SLFN12: variants seen among roughly 807,000 people sequenced by gnomAD.
SLFN12 encodes schlafen family member 12.
A neutral mutation model predicts 29.1 loss-of-function variants in SLFN12; 25 were observed. That is an observed-to-expected ratio of 0.86 (90% CI 0.63 to 1.20). SLFN12 has a LOEUF of 1.20. Among genes scored for constraint, SLFN12 ranks in the 50% most tolerant of loss-of-function variants. The pLI, the probability that SLFN12 is intolerant of heterozygous loss-of-function variation, is 0.00. For synonymous variants in SLFN12, 257 were observed against 238.7 expected (o/e 1.08, Z -0.71); for missense variants, 660 against 666.2 (o/e 0.99, Z 0.10).
intron 1 of SLFN12, among the ~76,000 whole-genome samples, chr17:35,429,842 G>A (rs1489878338): frequency 6.6e-6 from 1 of 151,996 alleles, no homozygotes; most frequent in Non-Finnish European, 1.5e-5. Context: ...TTAGGATCTA[G>A]CAATGCAGTT....
chr17:35,414,429 T>C (rs1281642347), intron 3 of SLFN12, among the ~76,000 whole-genome samples: 1 of 152,016 alleles, frequency 6.6e-6, no homozygotes, highest in East Asian at 1.9e-4. Flanking sequence ...TATACTGATA[T>C]CTATAAAATG....
chr17:35,423,139 A>T, intron 1 of SLFN12, 71 bp from the exon 2 acceptor site: 2 of 1,475,156 alleles, frequency 1.4e-6, no homozygotes, highest in Non-Finnish European at 1.8e-6. Flanking sequence ...TTATGAGGCA[A>T]ATGCAAAAAA....
chr17:35,413,872 A>T (rs1323585753), intron 3 of SLFN12, among the ~76,000 whole-genome samples: 5 of 152,136 alleles, frequency 3.3e-5, no homozygotes, highest in Non-Finnish European at 7.4e-5. Context: ...AATAAAATGA[A>T]GGGCAAAACT....
chr17:35,420,722 CT>C (rs1157171337), intron 2 of SLFN12: 2 of 211,386 alleles, frequency 9.5e-6, no homozygotes, highest in Non-Finnish European at 9.5e-6. Context: ...GAGGAAGAAG[CT>C]TACATTTTCA....
Position 35,422,484 on chromosome 17 carries a change from C to T in SLFN12, c.545G>A (p.Gly182Glu). 1 of 1,612,220 alleles carries T rather than the reference C, an allele frequency of 6.2e-7. No homozygotes were observed. Residue 182 changes from glycine to glutamate, a missense_variant, in exon 2 of 4, where the codon GGG becomes GAG. Coordinates refer to ENST00000304905, the MANE Select transcript of SLFN12 (RefSeq NM_018042.5). Reference protein sequence around the residue: ...QEENNMKALAGVFFDRTELDR... With the variant: ...QEENNMKALAEVFFDRTELDR... ...AAGTTCTGTTCTATCAAAAAAAACC[C>T]CGGCCAAGGCCTTCATGTTATTTTC...
Position 35,420,294 on chromosome 17 carries a change from C to T in SLFN12, c.1127G>A (p.Arg376Gln), listed in dbSNP as rs1243768355. 3.1e-6 allele frequency: 5 copies of T among 1,612,640 alleles called. No individual in the cohort carries two copies. In the Admixed American group the frequency reaches 5.0e-5, roughly 16 times the overall value. The change falls in exon 3 of 4, where the codon CGG becomes CAG. Residue 376 changes from arginine (R) to glutamine (Q), a missense_variant. By Grantham distance (43) the Arg-to-Gln change is conservative. Transcript: ENST00000304905. Reference protein sequence around the residue: ...PHSWPLLEWQRQRHHCPGLSG... With the variant: ...PHSWPLLEWQQQRHHCPGLSG... ...ATTACCTGGACAGTGATGTCTCTGC[C>T]GTTGCCATTCCAAAAGAGGCCAACT...
intron 3 of SLFN12, among the ~76,000 whole-genome samples, chr17:35,415,268 A>G (rs1368868602): frequency 6.6e-6 from 1 of 152,116 alleles, no homozygotes; most frequent in African/African-American, 2.4e-5. Flanking sequence ...TGGGGAAAGG[A>G]CACCCCATGC....
At chr17:35,421,641 C>T (rs1911658651) in intron 2 of SLFN12, among the ~76,000 whole-genome samples, 1 of 149,108 alleles carries the variant, frequency 6.7e-6, no homozygotes, top group Non-Finnish European at 1.5e-5. Context: ...CTGGCTTCAA[C>T]CGATTCTCCT....
rs779950084 is a variant in SLFN12, at chr17:35,422,171, T to C, written c.858A>G (p.Ser286=). ...FCMEKKKINY[S]CKFLGVYDKG... ...TATCATATACTCCAAGGAATTTGCA[T>C]GAATAATTTATCTTCTTCTTCTCCA... Residue 286 remains serine, a synonymous_variant, in exon 2 of 4, where the codon TCA becomes TCG. Coordinates refer to ENST00000304905, the MANE Select transcript of SLFN12 (RefSeq NM_018042.5). 1 of 1,614,146 alleles carries C rather than the reference T, an allele frequency of 6.2e-7. No individual in the cohort carries two copies.
At chr17:35,428,986 T>C (rs1360410506) in intron 1 of SLFN12, among the ~76,000 whole-genome samples, 2 of 152,072 alleles carry the variant, frequency 1.3e-5, no homozygotes, top group Admixed American at 1.3e-4. Flanking sequence ...TCAGTTCCAC[T>C]TCTACCCAGG....
intron 1 of SLFN12, among the ~76,000 whole-genome samples, chr17:35,426,027 T>C (rs564489412): frequency 6.6e-6 from 1 of 151,870 alleles, no homozygotes; most frequent in East Asian, 1.9e-4. Context: ...TGGTTTTAAT[T>C]TGCATTTTCC....
intron 1 of SLFN12, among the ~76,000 whole-genome samples, chr17:35,425,838 CTT>C (rs58492425): frequency 1.3e-3 from 51 of 39,138 alleles, no homozygotes; most frequent in African/African-American, 3.1e-3. Flanking sequence ...CTTTTCTTTT[CTT>C]TTTTTTTTTT....
At chr17:35,417,275 A>G (rs1911369615) in intron 3 of SLFN12, among the ~76,000 whole-genome samples, 1 of 152,172 alleles carries the variant, frequency 6.6e-6, no homozygotes, top group African/African-American at 2.4e-5. Flanking sequence ...TCATTTGCCA[A>G]TCAACATATT....
intron 3 of SLFN12, among the ~76,000 whole-genome samples, chr17:35,413,749 C>CAAAAAAAAAAAAAAAAAAA (rs11362952): frequency 1.3e-5 from 1 of 78,420 alleles, no homozygotes; most frequent in Non-Finnish European, 3.0e-5. Context: ...AACCATGTCT[C>CAAAAAAAAAAAAAAAAAAA]AAAAAAAAAA....
At position 35,422,734 on chromosome 17, in the gene SLFN12, T is replaced by A. The variant is rs201562324; in HGVS notation, c.295A>T (p.Asn99Tyr). 6 of 1,614,090 alleles carry A rather than the reference T, an allele frequency of 3.7e-6. 1 individual carries two copies. In the Admixed American group the frequency reaches 8.3e-5, roughly 22 times the overall value. ...ACAAAAATCAGAAAGTAGTTACCAT[T>A]CTGCATGAAGTCTAAGTACTCAGGA... ...FVPEYLDFMQNGNYFLIFVKS... is the reference protein window; with the variant it reads ...FVPEYLDFMQYGNYFLIFVKS... Residue 99 changes from asparagine to tyrosine, a missense_variant, in exon 2 of 4, where the codon AAT (asparagine) becomes TAT (tyrosine). Coordinates refer to ENST00000304905, the MANE Select transcript of SLFN12 (RefSeq NM_018042.5).
intron 1 of SLFN12, among the ~76,000 whole-genome samples, chr17:35,425,838 C>CTTTTT (rs58492425): frequency 0.032 from 1,258 of 39,074 alleles, 30 homozygotes; most frequent in Non-Finnish European, 0.04. Context: ...CTTTTCTTTT[C>CTTTTT]TTTTTTTTTT....
chr17:35,422,504 A>G lies in SLFN12; in HGVS notation c.525T>C (p.Asn175=), dbSNP rs141932682. The G allele has an allele frequency of 3.0e-5, 48 of 1,613,364 alleles. No individual in the cohort carries two copies. Among genetic ancestry groups the G allele is most frequent in the Non-Finnish European group, 3.6e-5 (42 of 1,179,860 alleles). The change falls in exon 2 of 4, where the codon AAT becomes AAC. Residue 175 remains asparagine (N), a synonymous_variant. Coordinates refer to ENST00000304905, the MANE Select transcript of SLFN12 (RefSeq NM_018042.5). ...AAACCCCGGCCAAGGCCTTCATGTT[A>G]TTTTCTTCTTGTATATCAACACAGG... ...KRPCVDIQEE[N]NMKALAGVFF...
chr17:35,418,771 C>T (rs755453329), intron 3 of SLFN12, among the ~76,000 whole-genome samples: 11 of 152,032 alleles, frequency 7.2e-5, no homozygotes, highest in African/African-American at 1.9e-4. Context: ...TTCAGTATTG[C>T]GGCTGGGAAA....
rs1437841416 is a variant in SLFN12, at chr17:35,432,331, A to C, written c.-184T>G. On this transcript the variant is annotated 5_prime_UTR_variant, in exon 1 of 4. Coordinates refer to ENST00000304905, the MANE Select transcript of SLFN12 (RefSeq NM_018042.5). Reference sequence around the variant, plus strand: ...AGAGATTTATTGAAAACGAAAGTGCACTCCACAGGGTGGGAGCAGGCCCGA... The same window carrying C: ...AGAGATTTATTGAAAACGAAAGTGCCCTCCACAGGGTGGGAGCAGGCCCGA... 6.6e-6 allele frequency: 1 copy of C among 152,124 alleles called. No individual in the cohort carries two copies. Among genetic ancestry groups the C allele is most frequent in the East Asian group, 1.9e-4 (1 of 5,190 alleles). 9.4% of individuals were successfully genotyped at this position (152,124 alleles called of 1,614,324 possible).
Sources: gnomAD v4.1 joint callset for allele counts (sites outside exome capture counted in the v4.1 genomes callset) on GRCh38, gnomAD v4.1.1 for gene constraint, MANE v1.5 for transcripts, NCBI Gene and HGNC (gene_info 2026-07-23, HGNC 2026-07-21) for gene names.